ENOX1: variants seen among roughly 807,000 people sequenced by gnomAD.
The protein encoded by ENOX1 is ecto-NOX disulfide-thiol exchanger 1.
Under a neutral mutation model 82.5 loss-of-function variants are expected in ENOX1, and 42 were observed. That is an observed-to-expected ratio of 0.51 (90% CI 0.40 to 0.66). ENOX1 has a LOEUF of 0.66. ENOX1 is among the 30% of genes least tolerant of loss of function. ENOX1 has a pLI of 0.00. For synonymous variants in ENOX1, 271 were observed against 282.2 expected, an observed-to-expected ratio of 0.96 and a Z score of 0.40; for missense variants, 608 against 811.6, an observed-to-expected ratio of 0.75 and a Z score of 3.05.
At chr13:43,742,182 G>A (rs1024107345) in intron 1 of ENOX1, among the ~76,000 whole-genome samples, 40 of 152,010 alleles carry the variant, frequency 2.6e-4, no homozygotes, top group African/African-American at 9.4e-4. Context: ...TAGATATATA[G>A]AGACATATAG....
At chr13:43,341,058 G>A (rs2049024280) in intron 9 of ENOX1, among the ~76,000 whole-genome samples, 1 of 152,170 alleles carries the variant, frequency 6.6e-6, no homozygotes, top group Non-Finnish European at 1.5e-5. Context: ...AGCACTTTGG[G>A]AGGCCGAGGC....
At chr13:43,684,322 A>C (rs1218714057) in intron 1 of ENOX1, among the ~76,000 whole-genome samples, 5 of 152,196 alleles carry the variant, frequency 3.3e-5, no homozygotes, top group Non-Finnish European at 5.9e-5. Flanking sequence ...TAGGTATCTC[A>C]ATTATTGAGG....
intron 2 of ENOX1, among the ~76,000 whole-genome samples, chr13:43,496,146 G>C (rs902356902): frequency 2.6e-5 from 4 of 151,436 alleles, no homozygotes; most frequent in Admixed American, 6.6e-5. Flanking sequence ...TTTTTATAGG[G>C]AGCCTTTAAT....
At position 43,763,159 on chromosome 13, in the gene ENOX1, G is replaced by A. The variant is rs1951078931; in HGVS notation, c.-285+23493C>T. Among the ~76,000 whole-genome samples the A allele has an allele frequency of 2.0e-5, 3 of 152,194 alleles. No individual in the cohort carries two copies. In the South Asian group the frequency reaches 6.2e-4, roughly 32 times the overall value. ...ACAGTTTGCTAAGTGGAAGAGTTAG[G>A]CCTTGTCTATGTCTGGGCTGCAATA... On this transcript the variant is annotated intron_variant, in intron 1 of 16. Transcript: ENST00000690772.
At chr13:43,657,807 C>G (rs568989382) in intron 2 of ENOX1, among the ~76,000 whole-genome samples, 1 of 152,068 alleles carries the variant, frequency 6.6e-6, no homozygotes, top group African/African-American at 2.4e-5. Context: ...AGTGACTGCT[C>G]TAACAATAAA....
At chr13:43,736,244 CAA>C (rs2089624244) in intron 1 of ENOX1, among the ~76,000 whole-genome samples, 1 of 152,088 alleles carries the variant, frequency 6.6e-6, no homozygotes, top group Non-Finnish European at 1.5e-5. Context: ...CAAATTATGA[CAA>C]GAAAATTATC....
At chr13:43,404,960 AC>A (rs1343123811) in intron 5 of ENOX1, among the ~76,000 whole-genome samples, 1 of 152,020 alleles carries the variant, frequency 6.6e-6, no homozygotes, top group Non-Finnish European at 1.5e-5. Context: ...TCCTTTAGAG[AC>A]CCCCACTGGT....
At chr13:43,669,180 C>A (rs532882563) in intron 1 of ENOX1, among the ~76,000 whole-genome samples, 1 of 152,098 alleles carries the variant, frequency 6.6e-6, no homozygotes, top group Non-Finnish European at 1.5e-5. Flanking sequence ...AATACGGGGA[C>A]CATAAAGAGA....
intron 2 of ENOX1, among the ~76,000 whole-genome samples, chr13:43,619,415 T>C (rs1243361131): frequency 6.6e-6 from 1 of 152,140 alleles, no homozygotes; most frequent in Non-Finnish European, 1.5e-5. Context: ...TACATTAAGG[T>C]ATGCCCCTTG....
chr13:43,237,350 G>A (rs543816325), intron 14 of ENOX1, among the ~76,000 whole-genome samples: 1 of 152,250 alleles, frequency 6.6e-6, no homozygotes, highest in East Asian at 1.9e-4. Context: ...AGTTCTTTCT[G>A]TAGTCTTTTA....
chr13:43,266,359 T>C (rs1383317608), intron 13 of ENOX1, among the ~76,000 whole-genome samples: 1 of 152,174 alleles, frequency 6.6e-6, no homozygotes. Flanking sequence ...ATTCATAACA[T>C]TGGTTCCTTC....
At chr13:43,674,986 G>T (rs73479958) in intron 1 of ENOX1, among the ~76,000 whole-genome samples, 3,059 of 152,292 alleles carry the variant, frequency 0.02, 122 homozygotes, top group African/African-American at 0.071. Context: ...CTAAAGCACA[G>T]TGAACAAGGT....
chr13:43,415,851 C>T lies in ENOX1; in HGVS notation c.-74-2863G>A, dbSNP rs1289508775. 6.6e-5 allele frequency among the ~76,000 whole-genome samples: 10 copies of T among 151,510 alleles called. No individual in the cohort carries two copies. The South Asian group carries it at 2.1e-3, about 32-fold the overall frequency. ...ACGGGGTGGCCGGGCAGAGACGCTC[C>T]CCACTTCCCAGACGGGGCGGCCGGG... On this transcript the variant is annotated intron_variant, in intron 3 of 16. Transcript: ENST00000690772.
intron 9 of ENOX1, among the ~76,000 whole-genome samples, chr13:43,339,658 ACGGCATTGACACTGGGGAGATCTTT>A (rs2048943163): frequency 6.6e-6 from 1 of 152,126 alleles, no homozygotes; most frequent in South Asian, 2.1e-4. Flanking sequence ...GCCATGAAGG[ACGGCATTGACACTGGGGAGATCTTT>A]CGGCACTGAC....
intron 6 of ENOX1, 82 bp from the exon 7 acceptor site, chr13:43,360,139 G>T: frequency 7.8e-7 from 1 of 1,283,010 alleles, no homozygotes; most frequent in Non-Finnish European, 1.1e-6. Context: ...AAAGCTTGCA[G>T]AGTAACTTTC....
chr13:43,303,133 C>CT (rs2046675252), intron 11 of ENOX1, among the ~76,000 whole-genome samples: 1 of 152,202 alleles, frequency 6.6e-6, no homozygotes, highest in Non-Finnish European at 1.5e-5. Flanking sequence ...CAAAGAAAGT[C>CT]TTTTTCAAGA....
Position 43,616,186 on chromosome 13 carries a change from C to CTATCTAGATATA in ENOX1, c.-219+51292_-219+51293insTATATCTAGATA, listed in dbSNP as rs1566642245. ...TCTATCTATCTATCTATCTATCTAT[C>CTATCTAGATATA]TATATATATATATATATATTTTTTT... On this transcript the variant is annotated intron_variant, in intron 2 of 16. Coordinates refer to ENST00000690772, the MANE Select transcript of ENOX1 (RefSeq NM_001347969.2). Among the ~76,000 whole-genome samples, 7 of 6,972 alleles carry CTATCTAGATATA rather than the reference C, an allele frequency of 1.0e-3. 2 individuals carry two copies. Among genetic ancestry groups the CTATCTAGATATA allele is most frequent in the African/African-American group, 1.1e-3 (6 of 5,502 alleles). 4.6% of individuals were successfully genotyped at this position (6,972 alleles called of 152,430 possible).
intron 5 of ENOX1, among the ~76,000 whole-genome samples, chr13:43,387,190 A>G (rs76767637): frequency 0.05 from 7,586 of 152,250 alleles, 583 homozygotes; most frequent in African/African-American, 0.16. Flanking sequence ...ATCAAAAGGT[A>G]AAGAAAGAAG....
At chr13:43,593,643 A>T in intron 2 of ENOX1, among the ~76,000 whole-genome samples, 1 of 47,754 alleles carries the variant, frequency 2.1e-5, no homozygotes, top group Non-Finnish European at 4.2e-5. Flanking sequence ...CTATTCCCCC[A>T]CCCCCACCCT....
Sources: allele counts gnomAD v4.1 joint callset (sites outside exome capture counted in the v4.1 genomes callset), GRCh38; gene constraint gnomAD v4.1.1; transcripts MANE v1.5; gene names NCBI Gene and HGNC (gene_info 2026-07-23, HGNC 2026-07-21).